Variants in DSC3 observed in about 807,000 individuals in gnomAD.
The protein encoded by DSC3 is desmocollin-3.
DSC3 carries 97 observed loss-of-function variants against 89.5 expected under a neutral mutation model. That is an observed-to-expected ratio of 1.08 (90% CI 0.92 to 1.28). The LOEUF (loss-of-function observed/expected upper bound fraction) is 1.28. Ranked by LOEUF, DSC3 falls within the 50% of genes most tolerant of loss-of-function variation. The pLI is 0.00. For missense variants in DSC3, 1,199 were observed against 1,085.3 expected, an observed-to-expected ratio of 1.10 and a Z score of -1.47; for synonymous variants, 436 against 384.1, an observed-to-expected ratio of 1.14 and a Z score of -1.58.
At chr18:31,014,099 T>C (rs978517929) in intron 9 of DSC3, among the ~76,000 whole-genome samples, 2 of 152,032 alleles carry the variant, frequency 1.3e-5, no homozygotes, top group South Asian at 2.1e-4. Context: ...CATACTAATA[T>C]GTAATGACTT....
chr18:31,041,686 G>C (rs1424925268), intron 1 of DSC3, among the ~76,000 whole-genome samples: 1 of 152,216 alleles, frequency 6.6e-6, no homozygotes, highest in East Asian at 1.9e-4. Flanking sequence ...TAACCGCGCC[G>C]CCAGAGTTCC....
At chr18:31,018,859 A>T in intron 7 of DSC3, 59 bp from the exon 8 acceptor site, 16 of 1,512,978 alleles carry the variant, frequency 1.1e-5, no homozygotes, top group Non-Finnish European at 1.5e-5. Context: ...TTTATAAATG[A>T]AACCTCAATT....
At chr18:30,997,303 A>G (rs1984511031) in intron 14 of DSC3, among the ~76,000 whole-genome samples, 1 of 152,190 alleles carries the variant, frequency 6.6e-6, no homozygotes, top group South Asian at 2.1e-4. Flanking sequence ...AAGTCTGGGA[A>G]GTCCAAGATC....
chr18:30,999,361 A>G (rs940327309), intron 14 of DSC3, among the ~76,000 whole-genome samples: 1 of 152,196 alleles, frequency 6.6e-6, no homozygotes, highest in Non-Finnish European at 1.5e-5. Flanking sequence ...CCAGAAAAAA[A>G]GAATTGAAAA....
chr18:31,021,194 T>A (rs276920), intron 7 of DSC3, among the ~76,000 whole-genome samples: 70,108 of 151,730 alleles, frequency 0.46, 16,809 homozygotes, highest in East Asian at 0.88. Flanking sequence ...TAAAACTGTA[T>A]CTTACAAGTT....
intron 1 of DSC3, among the ~76,000 whole-genome samples, chr18:31,032,936 T>C (rs1985849853): frequency 6.6e-6 from 1 of 152,044 alleles, no homozygotes; most frequent in Non-Finnish European, 1.5e-5. Flanking sequence ...CAGAAAATCC[T>C]AGGAATCCAC....
intron 1 of DSC3, among the ~76,000 whole-genome samples, chr18:31,038,047 A>G (rs1444029893): frequency 6.6e-6 from 1 of 152,208 alleles, no homozygotes; most frequent in Non-Finnish European, 1.5e-5. Flanking sequence ...ATACAATAAT[A>G]GATGTTCTTA....
At position 30,993,859 on chromosome 18, in the gene DSC3, A is replaced by G. The variant is rs1984358025; in HGVS notation, c.*316T>C. On this transcript the variant is annotated 3_prime_UTR_variant, in exon 16 of 16. Transcript: ENST00000360428. ...TACATAATAATGTGATATTAGCATA[A>G]CTTAGCTATTGTTGGACTAATATTT... 3.9e-6 allele frequency: 1 copy of G among 258,248 alleles called. No individual in the cohort carries two copies. The highest frequency in any genetic ancestry group is 7.6e-6 in the Non-Finnish European group (1 of 131,460). 16.0% of individuals were successfully genotyped at this position (258,248 alleles called of 1,614,324 possible).
intron 9 of DSC3, 83 bp downstream of exon 9, chr18:31,017,987 TG>T: frequency 8.5e-7 from 1 of 1,176,780 alleles, no homozygotes; most frequent in Non-Finnish European, 1.2e-6. Context: ...GTAGAGTCTA[TG>T]GTCTGAAACT....
chr18:31,031,050 A>T lies in DSC3; in HGVS notation c.277T>A (p.Ser93Thr). ...TTGTCAGAAAGCCATATGGTAAATG[A>T]TCTTTTCTTATCAGACAGCGCAACA... ...RAVALSDKKR[S>T]FTIWLSDKRK... The change falls in exon 3 of 16, where the codon TCA (serine) becomes ACA (threonine). Residue 93 changes from serine (S) to threonine (T), a missense_variant. Physicochemically the swap from Ser to Thr is moderately conservative, Grantham distance 58. Transcript: ENST00000360428. 1 of 1,614,054 alleles carries T rather than the reference A, an allele frequency of 6.2e-7. No individual in the cohort carries two copies. The highest frequency in any genetic ancestry group is 8.5e-7 in the Non-Finnish European group (1 of 1,179,968).
intron 4 of DSC3, 38 bp from the exon 5 acceptor site, chr18:31,025,953 T>G: frequency 6.4e-7 from 1 of 1,561,846 alleles, no homozygotes; most frequent in Middle Eastern, 1.9e-4. Context: ...AAATTAAAAC[T>G]AAATTCAGTT....
At chr18:31,015,021 T>C (rs1416245422) in intron 9 of DSC3, among the ~76,000 whole-genome samples, 1 of 152,162 alleles carries the variant, frequency 6.6e-6, no homozygotes, top group Non-Finnish European at 1.5e-5. Flanking sequence ...TTATGTAAAG[T>C]GCCTAGCATT....
At chr18:30,996,004 A>AAAAAAG (rs1380162048) in intron 15 of DSC3, among the ~76,000 whole-genome samples, 35 of 143,734 alleles carry the variant, frequency 2.4e-4, no homozygotes, top group African/African-American at 9.0e-4. Context: ...AAAAAAGAAA[A>AAAAAAG]GAAAGAAAAA....
Position 31,042,669 on chromosome 18 carries a change from C to T in DSC3, c.-9G>A. The T allele has an allele frequency of 3.9e-6, 6 of 1,548,556 alleles. No individual in the cohort carries two copies. Among genetic ancestry groups the T allele is most frequent in the South Asian group, 1.2e-5 (1 of 83,942 alleles). On this transcript the variant is annotated 5_prime_UTR_variant, in exon 1 of 16. Transcript: ENST00000360428. ...GGCCCAGCGGCGGCCATCGGGATGC[C>T]GGGCAGGGCCAGGAGAACGCGGGCG...
chr18:31,001,829 G>C, intron 13 of DSC3, 90 bp from the exon 14 acceptor site: 2 of 1,096,862 alleles, frequency 1.8e-6, no homozygotes, highest in Non-Finnish European at 2.5e-6. Flanking sequence ...AAGGATCAAA[G>C]TGGAAAATAA....
intron 1 of DSC3, among the ~76,000 whole-genome samples, chr18:31,041,467 C>G (rs1057348910): frequency 6.6e-6 from 1 of 152,160 alleles, no homozygotes; most frequent in Non-Finnish European, 1.5e-5. Context: ...TAAGGGAGGA[C>G]AACCCTTGGA....
intron 9 of DSC3, among the ~76,000 whole-genome samples, chr18:31,015,232 T>C (rs1272332081): frequency 2.0e-5 from 3 of 152,166 alleles, no homozygotes; most frequent in African/African-American, 7.2e-5. Flanking sequence ...ATTAAGTTAA[T>C]CTGAACCAAA....
chr18:30,998,286 G>A (rs1344997115), intron 14 of DSC3, among the ~76,000 whole-genome samples: 1 of 152,156 alleles, frequency 6.6e-6, no homozygotes, highest in East Asian at 1.9e-4. Context: ...CAAGTATCTA[G>A]ATGGATGAGG....
Position 31,029,555 on chromosome 18 carries a change from G to A in DSC3, c.428C>T (p.Ser143Phe), listed in dbSNP as rs1168284583. The stretch of plus-strand genomic sequence containing the variant: ...AGGGCCCAAGGAATTCTCTTGCATA[G>A]AGCAAGGAATAGGTGCCCATCTCCT... ...AKRRWAPIPCSMQENSLGPFP... is the reference protein window; with the variant it reads ...AKRRWAPIPCFMQENSLGPFP... Residue 143 changes from serine (S) to phenylalanine (F), a missense_variant, in exon 4 of 16, where the codon TCT (serine) becomes TTT (phenylalanine). Physicochemically the swap from Ser to Phe is radical, Grantham distance 155. Coordinates refer to ENST00000360428, the MANE Select transcript of DSC3 (RefSeq NM_001941.5). 1.2e-6 allele frequency: 2 copies of A among 1,613,796 alleles called. No homozygotes were observed. Among genetic ancestry groups the A allele is most frequent in the East Asian group, 2.2e-5 (1 of 44,872 alleles).
Sources: gnomAD v4.1 joint callset for allele counts (sites outside exome capture counted in the v4.1 genomes callset) on GRCh38, gnomAD v4.1.1 for gene constraint, MANE v1.5 for transcripts, NCBI Gene and HGNC (gene_info 2026-07-23, HGNC 2026-07-21) for gene names.